The following INTS4 variants were observed in gnomAD, a reference collection of about 807,000 sequenced individuals.
INTS4 encodes the protein MSTP093.
Under a neutral mutation model 119.5 loss-of-function variants are expected in INTS4, and 70 were observed. That is an observed-to-expected ratio of 0.59 (90% CI 0.48 to 0.71). The LOEUF (loss-of-function observed/expected upper bound fraction) is 0.71, where lower values mean the gene tolerates loss of function less well. Ranked by LOEUF, INTS4 falls within the 30% of genes least tolerant of loss-of-function variation. The probability of loss-of-function intolerance (pLI) is 0.00; values close to 1 mark genes in which losing one functional copy is unlikely to be tolerated. For missense variants in INTS4, 867 were observed against 1,173.2 expected (o/e 0.74, Z 3.81); for synonymous variants, 316 against 419.6 (o/e 0.75, Z 3.02).
At chr11:77,913,307 A>ATTTTTTT (rs565622764) in intron 15 of INTS4, among the ~76,000 whole-genome samples, 3 of 122,778 alleles carry the variant, frequency 2.4e-5, no homozygotes, top group Non-Finnish European at 5.0e-5. Flanking sequence ...GTTAGTTTAA[A>ATTTTTTT]TTTTTTTTTT....
intron 12 of INTS4, among the ~76,000 whole-genome samples, chr11:77,923,042 G>A (rs1161423970): frequency 4.6e-5 from 7 of 152,176 alleles, no homozygotes; most frequent in African/African-American, 7.2e-5. Context: ...AAAGCCGGCC[G>A]GGTGTGGTGG....
chr11:77,892,669 G>A (rs1242581606), intron 19 of INTS4, among the ~76,000 whole-genome samples: 3 of 151,910 alleles, frequency 2.0e-5, no homozygotes, highest in African/African-American at 4.8e-5. Flanking sequence ...TGGAACCTCC[G>A]CCTCCCGGGT....
chr11:77,944,114 A>T (rs1953993420), intron 8 of INTS4, among the ~76,000 whole-genome samples: 1 of 152,222 alleles, frequency 6.6e-6, no homozygotes, highest in Non-Finnish European at 1.5e-5. Context: ...GTTATAAATA[A>T]GTAAAAGCTA....
downstream of INTS4, among the ~76,000 whole-genome samples, chr11:77,874,592 C>T (rs1017339338): frequency 6.6e-6 from 1 of 152,110 alleles, no homozygotes; most frequent in Non-Finnish European, 1.5e-5. Context: ...ACATGGTTAA[C>T]GATGGAAATA....
chr11:77,929,172 C>A (rs1175153810), intron 10 of INTS4, among the ~76,000 whole-genome samples: 2 of 152,082 alleles, frequency 1.3e-5, no homozygotes, highest in Non-Finnish European at 2.9e-5. Context: ...CACACTGAAG[C>A]CCCATATTTT....
At chr11:77,910,128 A>G (rs1420269664) in intron 15 of INTS4, among the ~76,000 whole-genome samples, 12 of 152,198 alleles carry the variant, frequency 7.9e-5, no homozygotes, top group Non-Finnish European at 1.2e-4. Flanking sequence ...ATGCTGCTAT[A>G]AAGACACATG....
At chr11:77,897,542 C>A (rs187265832) in intron 18 of INTS4, among the ~76,000 whole-genome samples, 2,872 of 151,304 alleles carry the variant, frequency 0.019, 107 homozygotes, top group African/African-American at 0.065. Context: ...ACTCTGTCAC[C>A]CAGGCTGGAG....
chr11:77,961,051 C>T lies in INTS4; in HGVS notation c.559G>A (p.Asp187Asn). Reference protein sequence around the residue: ...LGSLEKSVTKDAEGLAARDVQ... With the variant: ...LGSLEKSVTKNAEGLAARDVQ... ...TCTCTGGCAGCTAGGCCTTCTGCAT[C>T]TTTTGTGACACTTTTCTCCAAAGAG... is the stretch of plus-strand genomic sequence containing the variant. The change falls in exon 5 of 23, where the codon GAT becomes AAT. Residue 187 changes from aspartate (D) to asparagine (N), a missense_variant. Physicochemically the swap from Asp to Asn is conservative, Grantham distance 23. Transcript: ENST00000534064. 1 of 1,608,726 alleles carries T rather than the reference C, an allele frequency of 6.2e-7. No homozygotes were observed. Among genetic ancestry groups the T allele is most frequent in the Non-Finnish European group, 8.5e-7 (1 of 1,178,880 alleles).
intron 8 of INTS4, among the ~76,000 whole-genome samples, chr11:77,947,212 G>C (rs1954070616): frequency 6.6e-6 from 1 of 152,008 alleles, no homozygotes; most frequent in Non-Finnish European, 1.5e-5. Flanking sequence ...ATGGAGAAGA[G>C]AAAGAGAAAG....
intron 21 of INTS4, among the ~76,000 whole-genome samples, chr11:77,889,917 G>C (rs546177029): frequency 1.6e-3 from 246 of 152,236 alleles, no homozygotes; most frequent in African/African-American, 5.5e-3. Context: ...TCTCCTTTAC[G>C]CTCAGGTGAT....
At chr11:77,937,911 G>C (rs182780366) in intron 10 of INTS4, among the ~76,000 whole-genome samples, 3 of 151,932 alleles carry the variant, frequency 2.0e-5, no homozygotes, top group Non-Finnish European at 4.4e-5. Context: ...GCAGTGGCAC[G>C]ATCTCAGCTC....
At chr11:77,914,662 CT>C (rs2136466576) in intron 15 of INTS4, among the ~76,000 whole-genome samples, 1 of 152,280 alleles carries the variant, frequency 6.6e-6, no homozygotes, top group South Asian at 2.1e-4. Context: ...AACTACTCAA[CT>C]CTGTGATTGT....
chr11:77,949,826 A>G (rs1168024573), intron 8 of INTS4, among the ~76,000 whole-genome samples: 3 of 152,174 alleles, frequency 2.0e-5, no homozygotes, highest in Admixed American at 2.0e-4. Flanking sequence ...TCAAGGATCT[A>G]GAACCAGAAA....
At chr11:77,899,657 C>T (rs1435334484) in intron 18 of INTS4, among the ~76,000 whole-genome samples, 5 of 149,216 alleles carry the variant, frequency 3.4e-5, no homozygotes, top group East Asian at 2.0e-4. Context: ...GCAACAAGAG[C>T]GAGACTTTGT....
intron 4 of INTS4, 29 bp from the exon 5 acceptor site, chr11:77,961,167 A>G: frequency 6.5e-7 from 1 of 1,528,480 alleles, no homozygotes; most frequent in South Asian, 1.3e-5. Context: ...AAAAGAAAAA[A>G]AGAAAAAGAA....
chr11:77,983,088 C>T (rs1250188105), intron 2 of INTS4, among the ~76,000 whole-genome samples: 1 of 152,184 alleles, frequency 6.6e-6, no homozygotes, highest in Non-Finnish European at 1.5e-5. Context: ...CACTACACAA[C>T]AGCTGTATGT....
intron 15 of INTS4, among the ~76,000 whole-genome samples, chr11:77,916,536 T>G (rs1416891360): frequency 1.3e-5 from 2 of 152,228 alleles, no homozygotes; most frequent in African/African-American, 4.8e-5. Context: ...CATGACTGTA[T>G]TAGCTCAGAC....
chr11:77,946,036 GACAGCCACC>G (rs1954040659), intron 8 of INTS4, among the ~76,000 whole-genome samples: 1 of 152,210 alleles, frequency 6.6e-6, no homozygotes, highest in Non-Finnish European at 1.5e-5. Flanking sequence ...AGCCCAGCAC[GACAGCCACC>G]ACAGCAGCAA....
chr11:77,924,269 A>G (rs1790250), intron 12 of INTS4, among the ~76,000 whole-genome samples: 112,050 of 150,210 alleles, frequency 0.75, 42,343 homozygotes, highest in African/African-American at 0.86. Context: ...GTATGGTGGC[A>G]TGCAACCTAT....
Sources: allele counts gnomAD v4.1 joint callset (sites outside exome capture counted in the v4.1 genomes callset), GRCh38; gene constraint gnomAD v4.1.1; transcripts MANE v1.5; gene names NCBI Gene and HGNC (gene_info 2026-07-23, HGNC 2026-07-21).